Variants in GCNT1 observed in about 807,000 individuals in gnomAD.
The protein encoded by GCNT1 is glucosaminyl (N-acetyl) transferase 1.
In GCNT1, 16 loss-of-function variants were observed where a neutral mutation model predicts 26.2. The ratio of observed to expected loss-of-function variants is 0.61; its 90% CI spans 0.41 to 0.93. GCNT1 has a LOEUF of 0.93. GCNT1 is among the 40% of genes least tolerant of loss of function. GCNT1 has a pLI of 0.00. For missense variants in GCNT1, 477 were observed against 526.7 expected (o/e 0.91, Z 0.92); for synonymous variants, 183 against 190.8 (o/e 0.96, Z 0.34).
intron 1 of GCNT1, among the ~76,000 whole-genome samples, chr9:76,436,598 CAAAAAAA>C (rs1178497535): frequency 2.4e-5 from 1 of 41,120 alleles, no homozygotes; most frequent in Non-Finnish European, 4.7e-5. Context: ...GATTCCATCT[CAAAAAAA>C]AAAAAAAAAA....
At chr9:76,445,030 CT>C (rs1823552913) in intron 1 of GCNT1, among the ~76,000 whole-genome samples, 1 of 152,166 alleles carries the variant, frequency 6.6e-6, no homozygotes, top group African/African-American at 2.4e-5. Context: ...CTATCTGGCC[CT>C]TTCCAGAAAA....
At chr9:76,464,080 G>A (rs1823943978) in intron 2 of GCNT1, among the ~76,000 whole-genome samples, 1 of 149,508 alleles carries the variant, frequency 6.7e-6, no homozygotes, top group East Asian at 2.0e-4. Context: ...AAAAAAGGCT[G>A]AAGGATTAGT....
At chr9:76,435,134 C>G (rs1413224485) in intron 1 of GCNT1, among the ~76,000 whole-genome samples, 1 of 152,128 alleles carries the variant, frequency 6.6e-6, no homozygotes, top group Non-Finnish European at 1.5e-5. Flanking sequence ...TTTGTTCTCC[C>G]TTTTTCCCTT....
At chr9:76,482,961 G>GTA (rs1423284144) in intron 2 of GCNT1, among the ~76,000 whole-genome samples, 1 of 151,582 alleles carries the variant, frequency 6.6e-6, no homozygotes, top group African/African-American at 2.4e-5. Flanking sequence ...CAAATTAACA[G>GTA]TATATTATCT....
upstream of GCNT1, among the ~76,000 whole-genome samples, chr9:76,419,489 C>T (rs762452828): frequency 6.6e-6 from 1 of 152,012 alleles, no homozygotes; most frequent in East Asian, 1.9e-4. Flanking sequence ...AGCACCATGG[C>T]GAGACCCCCG....
rs201887404 is a variant in GCNT1 at position 76,503,559 on chromosome 9, G to A, written c.1178G>A (p.Arg393His). The A allele has an allele frequency of 5.4e-5, 87 of 1,614,120 alleles. No individual in the cohort carries two copies. The highest frequency in any genetic ancestry group is 1.6e-4 in the Middle Eastern group (1 of 6,062). Residue 393 changes from arginine to histidine, a missense_variant, in exon 4 of 4, where the codon CGC becomes CAC. Physicochemically the swap from Arg to His is conservative, Grantham distance 29 (BLOSUM62 0). Coordinates refer to ENST00000376730, the MANE Select transcript of GCNT1 (RefSeq NM_001490.5). Reference protein sequence around the residue: ...FGAGDLNWMLRKHHLFANKFD... With the variant: ...FGAGDLNWMLHKHHLFANKFD... The stretch of plus-strand genomic sequence containing the variant: ...GCTGGTGACTTGAACTGGATGCTGC[G>A]CAAACACCACTTGTTTGCCAATAAG...
At chr9:76,447,151 C>CAAAAAAAA (rs532132124) in intron 1 of GCNT1, among the ~76,000 whole-genome samples, 1 of 35,992 alleles carries the variant, frequency 2.8e-5, no homozygotes, top group African/African-American at 1.2e-4. Flanking sequence ...AACCCTGTGT[C>CAAAAAAAA]AAAAAAAAAA....
intron 2 of GCNT1, among the ~76,000 whole-genome samples, chr9:76,492,707 A>T (rs2480213): frequency 6.6e-6 from 1 of 150,654 alleles, no homozygotes; most frequent in Non-Finnish European, 1.5e-5. Context: ...CTCGTTGGAC[A>T]ATCTTTTTTA....
intron 2 of GCNT1, among the ~76,000 whole-genome samples, chr9:76,481,410 GAT>G (rs1491418035): frequency 9.3e-5 from 13 of 140,424 alleles, no homozygotes; most frequent in African/African-American, 3.9e-4. Flanking sequence ...TTTTTTTTGT[GAT>G]TTTTTTTTTT....
chr9:76,438,651 T>G (rs1436749843), upstream of GCNT1, among the ~76,000 whole-genome samples: 1 of 152,210 alleles, frequency 6.6e-6, no homozygotes, highest in Non-Finnish European at 1.5e-5. Flanking sequence ...TACAGCCATT[T>G]CATCCTTCTG....
chr9:76,411,405 T>G, the GCNT1 span, among the ~76,000 whole-genome samples: 1 of 152,022 alleles, frequency 6.6e-6, no homozygotes, highest in African/African-American at 2.4e-5. Context: ...CATGGCTCAC[T>G]GCAGCCTTAA....
At chr9:76,399,035 C>G in the GCNT1 span, 69 of 1,594,332 alleles carry the variant, frequency 4.3e-5, no homozygotes, top group African/African-American at 8.5e-4. Flanking sequence ...TAACCAGATC[C>G]AGGCAGCCTT....
rs1482219801 is a variant in GCNT1, at chr9:76,507,030, C to T, written c.*3362C>T. On this transcript the variant is annotated 3_prime_UTR_variant, in exon 4 of 4. Transcript: ENST00000376730. ...TAATATCTCTTACCTGAAATCATAA[C>T]TTAGCCAAGCCTACCTTAAATGTTC... The T allele has an allele frequency of 1.2e-5, 2 of 167,060 alleles. No homozygotes were observed. Among genetic ancestry groups the T allele is most frequent in the East Asian group, 1.9e-4 (1 of 5,206 alleles). The allele number at this position is 167,060 out of a possible 1,614,324, so 10.3% of individuals were successfully genotyped here.
In GCNT1 at chr9:76,503,197, C is replaced by CA; in HGVS notation, c.820dup (p.Met274AsnfsTer20). On this transcript the variant is annotated frameshift_variant, in exon 4 of 4. Coordinates refer to ENST00000376730, the MANE Select transcript of GCNT1 (RefSeq NM_001490.5). LOFTEE classifies it high-confidence loss of function. Reference sequence around the variant, plus strand: ...GAAAGCTGACAAACACAGGGACTGTCAAAATGCTTCCTCCACTCGAAACAC... The same window carrying CA: ...GAAAGCTGACAAACACAGGGACTGTCAAAAATGCTTCCTCCACTCGAAACAC... 6.2e-7 allele frequency: 1 copy of CA among 1,614,126 alleles called. No homozygotes were observed. Among genetic ancestry groups the CA allele is most frequent in the Non-Finnish European group, 8.5e-7 (1 of 1,180,010 alleles).
chr9:76,419,626 C>G (rs1334938259), upstream of GCNT1, among the ~76,000 whole-genome samples: 2 of 152,066 alleles, frequency 1.3e-5, no homozygotes, highest in East Asian at 3.9e-4. Context: ...CGACTACACT[C>G]CAGCCTGGGG....
chr9:76,415,456 A>G (rs1416123223), upstream of GCNT1, among the ~76,000 whole-genome samples: 4 of 152,082 alleles, frequency 2.6e-5, no homozygotes, highest in Non-Finnish European at 5.9e-5. Context: ...AGTCTCACAT[A>G]TTTGTCAGAG....
At chr9:76,414,132 C>T in the GCNT1 span, among the ~76,000 whole-genome samples, 1 of 152,156 alleles carries the variant, frequency 6.6e-6, no homozygotes, top group Non-Finnish European at 1.5e-5. Flanking sequence ...TCAATTAGAG[C>T]CTTTACTATG....
chr9:76,438,328 A>G (rs1823437177), upstream of GCNT1, among the ~76,000 whole-genome samples: 1 of 152,226 alleles, frequency 6.6e-6, no homozygotes, highest in Admixed American at 6.5e-5. Flanking sequence ...TCTGATTGGT[A>G]ACTGATTGAA....
the GCNT1 span, among the ~76,000 whole-genome samples, chr9:76,401,706 C>T: frequency 6.6e-6 from 1 of 152,134 alleles, no homozygotes. Context: ...AAAGAGGTGA[C>T]TCAGACCTCT....
Sources: allele counts gnomAD v4.1 joint callset (sites outside exome capture counted in the v4.1 genomes callset), GRCh38; gene constraint gnomAD v4.1.1; transcripts MANE v1.5; gene names NCBI Gene and HGNC (gene_info 2026-07-23, HGNC 2026-07-21).